Variants in TBCK observed in about 807,000 individuals in gnomAD.
TBCK encodes TBC domain-containing protein kinase-like protein.
A neutral mutation model predicts 113.4 loss-of-function variants in TBCK; 99 were observed. The observed-to-expected ratio is 0.87, with a 90% CI of 0.74 to 1.03. The LOEUF (loss-of-function observed/expected upper bound fraction) is 1.03. Among genes scored for constraint, TBCK ranks in the 50% least tolerant of loss-of-function variants. The pLI is 0.00. For missense variants in TBCK, 1,045 were observed against 1,061.3 expected (o/e 0.98, Z 0.21); for synonymous variants, 369 against 370.8 (o/e 1.00, Z 0.05).
At chr4:106,192,453 T>C (rs968582380) in intron 22 of TBCK, among the ~76,000 whole-genome samples, 3 of 152,066 alleles carry the variant, frequency 2.0e-5, no homozygotes, top group African/African-American at 7.2e-5. Flanking sequence ...AACAAAAAAA[T>C]AGATAACTTG....
At chr4:106,166,964 T>C (rs991332156) in intron 23 of TBCK, among the ~76,000 whole-genome samples, 2 of 150,786 alleles carry the variant, frequency 1.3e-5, no homozygotes, top group Non-Finnish European at 3.0e-5. Context: ...AGCATTTTCA[T>C]TAAACTCGGG....
chr4:106,090,062 T>G (rs547053224), intron 25 of TBCK, among the ~76,000 whole-genome samples: 37 of 152,350 alleles, frequency 2.4e-4, no homozygotes, highest in African/African-American at 8.2e-4. Context: ...ACTGCCCTAG[T>G]ATAGTTTCTC....
chr4:106,105,655 A>G (rs1253175178), intron 24 of TBCK, among the ~76,000 whole-genome samples: 1 of 152,212 alleles, frequency 6.6e-6, no homozygotes, highest in Non-Finnish European at 1.5e-5. Flanking sequence ...ATACCTCACT[A>G]ACGTAACCCA....
intron 22 of TBCK, among the ~76,000 whole-genome samples, chr4:106,173,673 C>G (rs1189403404): frequency 1.3e-5 from 2 of 152,050 alleles, no homozygotes; most frequent in African/African-American, 4.8e-5. Flanking sequence ...CCGATTCTAC[C>G]CTGATGGTTA....
rs776176092 is a variant in TBCK at position 106,248,999 on chromosome 4, CTA to C, written c.659-19_659-18del. 2 of 1,555,704 alleles carry C rather than the reference CTA, an allele frequency of 1.3e-6. No homozygotes were observed. Among genetic ancestry groups the C allele is most frequent in the Non-Finnish European group, 1.7e-6 (2 of 1,146,856 alleles). On this transcript the variant is annotated intron_variant, in intron 7 of 25. Coordinates refer to ENST00000394708, the MANE Select transcript of TBCK (RefSeq NM_001163435.3). ...CTACACAATCTATAAAACAGAAAAA[CTA>C]TATGAATAAATGCTATTTTTCTAAT...
At chr4:106,155,287 T>C (rs1748996387) in intron 23 of TBCK, among the ~76,000 whole-genome samples, 1 of 152,120 alleles carries the variant, frequency 6.6e-6, no homozygotes. Flanking sequence ...ATCCTTTCTT[T>C]ATCTTTGACC....
chr4:106,266,988 A>T (rs1763051021), intron 3 of TBCK, among the ~76,000 whole-genome samples: 1 of 151,932 alleles, frequency 6.6e-6, no homozygotes, highest in Non-Finnish European at 1.5e-5. Flanking sequence ...GGATTAAGAG[A>T]ATTAGATTCA....
At chr4:106,260,566 AT>A in intron 4 of TBCK, 56 bp from the exon 5 acceptor site, 1 of 536,108 alleles carries the variant, frequency 1.9e-6, no homozygotes, top group East Asian at 3.5e-5. Flanking sequence ...TTGGCAACAT[AT>A]AATTTATATT....
chr4:106,118,576 C>T (rs1743849410), intron 23 of TBCK, among the ~76,000 whole-genome samples: 2 of 152,158 alleles, frequency 1.3e-5, no homozygotes, highest in South Asian at 4.1e-4. Flanking sequence ...GCAATCTCTA[C>T]AGGTATTTTT....
intron 25 of TBCK, among the ~76,000 whole-genome samples, chr4:106,058,387 C>T (rs948339041): frequency 6.6e-6 from 1 of 151,686 alleles, no homozygotes; most frequent in Non-Finnish European, 1.5e-5. Context: ...TGGGATTTAT[C>T]TAATGCATAA....
At chr4:106,276,843 C>G (rs1307576025) in intron 3 of TBCK, among the ~76,000 whole-genome samples, 1 of 151,828 alleles carries the variant, frequency 6.6e-6, no homozygotes, top group African/African-American at 2.4e-5. Flanking sequence ...GTTCCAGGCA[C>G]ACTCCAGCCT....
chr4:106,225,146 T>C (rs1350954099), intron 19 of TBCK, among the ~76,000 whole-genome samples: 2 of 152,214 alleles, frequency 1.3e-5, no homozygotes, highest in Non-Finnish European at 2.9e-5. Context: ...AAGACTAAAT[T>C]AATTGAAACT....
In TBCK at chr4:106,212,824, C is replaced by A; in HGVS notation, c.1786G>T (p.Val596Phe). The A allele has an allele frequency of 1.2e-6, 2 of 1,609,752 alleles. No individual in the cohort carries two copies. The highest frequency in any genetic ancestry group is 1.7e-6 in the Non-Finnish European group (2 of 1,177,266). Residue 596 changes from valine (V) to phenylalanine (F), a missense_variant, in exon 20 of 26, where the codon GTC (valine) becomes TTC (phenylalanine). By Grantham distance (50) the Val-to-Phe change is conservative (BLOSUM62 -1). Transcript: ENST00000394708. The part of the protein sequence containing the change: ...NSHVIQEYLT[V>F]FSQMIAFHDP... ...TGAAATGCAATCATCTGAGAGAAGA[C>A]AGTCAGATACTCTGAAATTACAAAG...
chr4:106,161,098 A>G (rs1289219894), intron 23 of TBCK, among the ~76,000 whole-genome samples: 1 of 151,938 alleles, frequency 6.6e-6, no homozygotes, highest in African/African-American at 2.4e-5. Context: ...TACAAGATGA[A>G]AAGAGTTATG....
chr4:106,129,393 T>C (rs1745608736), intron 23 of TBCK, among the ~76,000 whole-genome samples: 1 of 152,188 alleles, frequency 6.6e-6, no homozygotes, highest in Admixed American at 6.6e-5. Context: ...ATGCGGTGTT[T>C]GGTTTTCTGT....
chr4:106,201,921 T>C (rs1397821177), intron 20 of TBCK, among the ~76,000 whole-genome samples: 2 of 152,090 alleles, frequency 1.3e-5, no homozygotes, highest in Non-Finnish European at 2.9e-5. Context: ...TGATTCTTTA[T>C]ATGTACATTA....
intron 22 of TBCK, among the ~76,000 whole-genome samples, chr4:106,182,919 C>G (rs1032547315): frequency 2.6e-5 from 4 of 152,032 alleles, no homozygotes; most frequent in African/African-American, 9.7e-5. Context: ...TAGAATTAGT[C>G]TTCCAACAAA....
intron 25 of TBCK, among the ~76,000 whole-genome samples, chr4:106,054,927 G>T (rs770031646): frequency 1.0e-4 from 15 of 149,574 alleles, no homozygotes; most frequent in South Asian, 2.1e-4. Context: ...TTTTTAAAAT[G>T]ATATCTTAGG....
chr4:106,286,876 C>G (rs373135422), intron 3 of TBCK, among the ~76,000 whole-genome samples: 3 of 129,422 alleles, frequency 2.3e-5, no homozygotes, highest in African/African-American at 8.8e-5. Flanking sequence ...AAGCGAGAAC[C>G]TGTCTCAAAA....
Sources: allele counts gnomAD v4.1 joint callset (sites outside exome capture counted in the v4.1 genomes callset), GRCh38; gene constraint gnomAD v4.1.1; transcripts MANE v1.5; gene names NCBI Gene and HGNC (gene_info 2026-07-23, HGNC 2026-07-21).